The following SYNE2 variants were observed in gnomAD, a reference collection of about 807,000 sequenced individuals.
The protein encoded by SYNE2 is nesprin-2.
In SYNE2, 431 loss-of-function variants were observed where a neutral mutation model predicts 856.3. That is an observed-to-expected ratio of 0.50 (90% CI 0.47 to 0.55). The LOEUF is 0.55. Among genes scored for constraint, SYNE2 ranks in the 20% least tolerant of loss-of-function variants. The pLI is 0.00. For missense variants in SYNE2, 8,129 were observed against 8,023.2 expected, an observed-to-expected ratio of 1.01 and a Z score of -0.50; for synonymous variants, 2,923 against 2,872.3, an observed-to-expected ratio of 1.02 and a Z score of -0.56.
intron 1 of SYNE2, among the ~76,000 whole-genome samples, chr14:63,820,040 G>A (rs536094470): frequency 2.0e-5 from 3 of 151,624 alleles, no homozygotes; most frequent in Non-Finnish European, 2.9e-5. Context: ...TTTTTTCATT[G>A]TAAAATCATG....
intron 1 of SYNE2, among the ~76,000 whole-genome samples, chr14:63,892,866 G>T (rs888587560): frequency 3.3e-5 from 5 of 151,826 alleles, no homozygotes. Flanking sequence ...ACCATGCCTG[G>T]CTGTTTTATT....
chr14:63,968,265 A>G (rs2096423867), intron 11 of SYNE2, among the ~76,000 whole-genome samples: 1 of 151,292 alleles, frequency 6.6e-6, no homozygotes, highest in Non-Finnish European at 1.5e-5. Flanking sequence ...TAGATGCTTC[A>G]TCAGAAAATG....
intron 109 of SYNE2, 29 bp from the exon 110 acceptor site, chr14:64,219,179 T>C (rs773117821): frequency 3.7e-6 from 6 of 1,610,880 alleles, no homozygotes; most frequent in African/African-American, 2.7e-5. Context: ...CATTATTGCT[T>C]TTTTTAATTG....
chr14:64,040,091 C>T (rs1237142086), intron 45 of SYNE2, among the ~76,000 whole-genome samples: 1 of 152,146 alleles, frequency 6.6e-6, no homozygotes, highest in Non-Finnish European at 1.5e-5. Flanking sequence ...GACAATCAGT[C>T]TCTAATCTGT....
At chr14:63,913,873 T>TA (rs112559361) in intron 2 of SYNE2, among the ~76,000 whole-genome samples, 5 of 151,764 alleles carry the variant, frequency 3.3e-5, no homozygotes, top group African/African-American at 1.2e-4. Context: ...TTTTTAAAAT[T>TA]AAAAAAATAT....
At chr14:64,147,098 G>T (rs549187345) in intron 84 of SYNE2, among the ~76,000 whole-genome samples, 125 of 152,156 alleles carry the variant, frequency 8.2e-4, no homozygotes, top group African/African-American at 2.9e-3. Flanking sequence ...TCCGCAGCCT[G>T]GTGCTGGCCT....
intron 2 of SYNE2, among the ~76,000 whole-genome samples, chr14:63,926,955 A>G (rs1284191544): frequency 6.6e-6 from 1 of 152,188 alleles, no homozygotes; most frequent in African/African-American, 2.4e-5. Flanking sequence ...TGAAGTGAAT[A>G]GGGGTGGGGT....
In SYNE2 at chr14:64,025,003, C is replaced by T; in HGVS notation, c.5932C>T (p.Leu1978=). Residue 1978 remains leucine, a synonymous_variant, in exon 40 of 116, where the codon CTG becomes TTG. Transcript: ENST00000555002. ...GMEEPGEKTE[L]FCQALARKRE... is the part of the protein sequence containing the mutation. Reference sequence around the variant, plus strand: ...GGAAGAACCAGGGGAGAAAACTGAGCTGTTCTGCCAAGCTTTAGCTAGAAA... The same window carrying T: ...GGAAGAACCAGGGGAGAAAACTGAGTTGTTCTGCCAAGCTTTAGCTAGAAA... 1 of 1,614,004 alleles carries T rather than the reference C, an allele frequency of 6.2e-7. No individual in the cohort carries two copies. Among genetic ancestry groups the T allele is most frequent in the East Asian group, 2.2e-5 (1 of 44,842 alleles).
chr14:63,869,567 C>T (rs551291488), intron 1 of SYNE2, among the ~76,000 whole-genome samples: 2 of 135,732 alleles, frequency 1.5e-5, no homozygotes, highest in Admixed American at 8.7e-5. Context: ...GGGAAGGGGG[C>T]AGAGGTTGCA....
intron 45 of SYNE2, among the ~76,000 whole-genome samples, chr14:64,031,597 C>T (rs2097035862): frequency 6.6e-6 from 1 of 152,152 alleles, no homozygotes; most frequent in African/African-American, 2.4e-5. Context: ...ATTATTCTCT[C>T]TGATAGGTAA....
intron 84 of SYNE2, among the ~76,000 whole-genome samples, chr14:64,149,991 CTTTTTTTTTTCTTTTCTTT>C (rs2098224819): frequency 1.6e-5 from 2 of 121,978 alleles, no homozygotes; most frequent in Admixed American, 8.4e-5. Flanking sequence ...ATTGCCATGG[CTTTTTTTTTTCTTTTCTTT>C]TTTTTTTTTT....
At chr14:64,152,528 T>C (rs1464476625) in intron 84 of SYNE2, 36 bp from the exon 85 acceptor site, 2 of 1,610,410 alleles carry the variant, frequency 1.2e-6, no homozygotes, top group Admixed American at 1.7e-5. Flanking sequence ...TTTTGTAATA[T>C]TGTGCATTGA....
At chr14:63,800,414 C>A (rs1888087657) in intron 1 of SYNE2, among the ~76,000 whole-genome samples, 1 of 152,056 alleles carries the variant, frequency 6.6e-6, no homozygotes, top group Non-Finnish European at 1.5e-5. Context: ...TCCCAAAGAG[C>A]TGGGATCTTT....
chr14:63,891,583 G>T (rs908396894), intron 1 of SYNE2, among the ~76,000 whole-genome samples: 2 of 151,976 alleles, frequency 1.3e-5, no homozygotes, highest in Non-Finnish European at 2.9e-5. Context: ...TTTAGAGCTT[G>T]CTTGCTGTTC....
At chr14:64,116,510 T>G (rs536134541) in intron 66 of SYNE2, among the ~76,000 whole-genome samples, 1 of 152,256 alleles carries the variant, frequency 6.6e-6, no homozygotes, top group Non-Finnish European at 1.5e-5. Context: ...TTCTGCCTCC[T>G]GGGTTCAAGT....
In SYNE2 at chr14:64,214,002, AG is replaced by A. The variant is rs374844060; in HGVS notation, c.19057-190del. 1,682 of 749,762 alleles carry A rather than the reference AG, an allele frequency of 2.2e-3. 45 individuals carry two copies. The South Asian group carries it at 0.033, about 14-fold the overall frequency. The allele number at this position is 749,762 out of a possible 1,614,324, so 46.4% of individuals were successfully genotyped here. A position where few individuals can be genotyped will look rare whatever the true frequency, so the allele number is the denominator to read the frequency against. The stretch of plus-strand genomic sequence containing the variant: ...GAGGTTTGGGAAAATAACAGATTTT[AG>A]GCCCCACTCCAGATTGTCTAAACTG... On this transcript the variant is annotated intron_variant, in intron 105 of 115. Transcript: ENST00000555002.
chr14:63,921,282 G>T (rs1385985945), intron 2 of SYNE2, among the ~76,000 whole-genome samples: 1 of 152,246 alleles, frequency 6.6e-6, no homozygotes, highest in Non-Finnish European at 1.5e-5. Flanking sequence ...GATGTCTATG[G>T]AATAACCACA....
intron 3 of SYNE2, among the ~76,000 whole-genome samples, chr14:63,941,440 A>G (rs921417900): frequency 6.6e-6 from 1 of 152,236 alleles, no homozygotes; most frequent in Admixed American, 6.5e-5. Flanking sequence ...ACTTGTGTGC[A>G]CAGGTTTTAA....
intron 99 of SYNE2, among the ~76,000 whole-genome samples, chr14:64,194,190 G>C (rs1188665293): frequency 6.6e-6 from 1 of 152,178 alleles, no homozygotes; most frequent in Admixed American, 6.5e-5. Flanking sequence ...AACCCAAGTT[G>C]ATTTGATGAC....
Sources: gnomAD v4.1 joint callset for allele counts (sites outside exome capture counted in the v4.1 genomes callset) on GRCh38, gnomAD v4.1.1 for gene constraint, MANE v1.5 for transcripts, NCBI Gene and HGNC (gene_info 2026-07-23, HGNC 2026-07-21) for gene names.